Variants in TINAG observed in about 807,000 individuals in gnomAD.
The protein encoded by TINAG is tubulointerstitial nephritis antigen.
A neutral mutation model predicts 72.7 loss-of-function variants in TINAG; 83 were observed. That is an observed-to-expected ratio of 1.14 (90% confidence interval 0.96 to 1.37). The LOEUF (loss-of-function observed/expected upper bound fraction) is 1.37. Among genes scored for constraint, TINAG ranks in the 40% most tolerant of loss-of-function variants. The pLI is 0.00. For synonymous variants in TINAG, 234 were observed against 189.9 expected (o/e 1.23, Z -1.91); for missense variants, 685 against 576.6 (o/e 1.19, Z -1.93).
chr6:54,380,568 T>G lies in TINAG; in HGVS notation c.1293T>G (p.Phe431Leu). The G allele has an allele frequency of 3.7e-6, 6 of 1,610,454 alleles. No homozygotes were observed. Among genetic ancestry groups the G allele is most frequent in the Non-Finnish European group, 5.1e-6 (6 of 1,177,794 alleles). ...LRGAQGQKEK[F>L]WIAANSWGKS... ...GAGCACAAGGGCAGAAAGAAAAATT[T>G]TGGGTATGTAACTCTTTCCAGTTGA... The change falls in exon 10 of 11, where the codon TTT (phenylalanine) becomes TTG (leucine). Residue 431 changes from phenylalanine to leucine, a missense_variant. Phe to Leu is a conservative substitution (Grantham distance 22). Coordinates refer to ENST00000259782, the MANE Select transcript of TINAG (RefSeq NM_014464.4).
intron 4 of TINAG, among the ~76,000 whole-genome samples, chr6:54,333,887 T>G (rs1345605822): frequency 2.6e-5 from 4 of 151,726 alleles, no homozygotes; most frequent in Admixed American, 6.6e-5. Context: ...TAGTAAAGGT[T>G]GATCCTCAAA....
At position 54,321,175 on chromosome 6, in the gene TINAG, C is replaced by T. The variant is rs148036041; in HGVS notation, c.420-122C>T. 7.5e-4 allele frequency: 574 copies of T among 766,674 alleles called. 3 individuals are homozygous for T. In the African/African-American group the frequency reaches 8.5e-3, roughly 11 times the overall value. The allele number at this position is 766,674 out of a possible 1,614,324, so 47.5% of individuals were successfully genotyped here. A position where few individuals can be genotyped will look rare whatever the true frequency, so the allele number is the denominator to read the frequency against. ...TTTATTTTTGCCAAGAATCAAATAA[C>T]CATATGGCTAACATTAATCAAGAAA... is the stretch of plus-strand genomic sequence containing the variant. On this transcript the variant is annotated intron_variant, in intron 2 of 10. Coordinates refer to ENST00000259782, the MANE Select transcript of TINAG (RefSeq NM_014464.4).
Position 54,354,725 on chromosome 6 carries a change from T to A in TINAG, c.1250+89T>A. On this transcript the variant is annotated intron_variant, in intron 9 of 10. Transcript: ENST00000259782. ...CAGTGTTTTAAATGCTAGAATCCCCTTTGTAGGAGAGATTGTGATACAAAT... is the reference window on the plus strand; with the variant it reads ...CAGTGTTTTAAATGCTAGAATCCCCATTGTAGGAGAGATTGTGATACAAAT... 3 of 1,333,714 alleles carry A rather than the reference T, an allele frequency of 2.2e-6. No individual in the cohort carries two copies. The South Asian group carries it at 4.2e-5, about 18-fold the overall frequency. The allele number at this position is 1,333,714 out of a possible 1,614,324, so 82.6% of individuals were successfully genotyped here.
intron 9 of TINAG, among the ~76,000 whole-genome samples, chr6:54,378,723 G>T (rs1269964505): frequency 1.3e-5 from 2 of 152,068 alleles, no homozygotes; most frequent in African/African-American, 4.8e-5. Flanking sequence ...TCCTTTGTAT[G>T]ACTTTTCTAT....
At chr6:54,321,835 G>T (rs1784497801) in intron 3 of TINAG, among the ~76,000 whole-genome samples, 1 of 152,186 alleles carries the variant, frequency 6.6e-6, no homozygotes, top group African/African-American at 2.4e-5. Flanking sequence ...TCACTGAAAT[G>T]ATGGGTATCT....
chr6:54,347,370 T>C lies in TINAG; in HGVS notation c.752T>C (p.Val251Ala), dbSNP rs367662055. Reference protein sequence around the residue: ...AASWAFSTASVAADRIAIQSK... With the variant: ...AASWAFSTASAAADRIAIQSK... The stretch of plus-strand genomic sequence containing the variant: ...ATTGATATTCTATTTGAAACAGGTG[T>C]GGCTGCTGACCGAATAGCAATTCAG... The change falls in exon 6 of 11, where the codon GTG (valine) becomes GCG (alanine). Residue 251 changes from valine (V) to alanine (A), a missense_variant. Transcript: ENST00000259782. 2 of 1,612,274 alleles carry C rather than the reference T, an allele frequency of 1.2e-6. No individual in the cohort carries two copies. The highest frequency in any genetic ancestry group is 8.5e-7 in the Non-Finnish European group (1 of 1,179,140).
At chr6:54,382,891 G>A (rs1192447171) in intron 10 of TINAG, among the ~76,000 whole-genome samples, 2 of 152,118 alleles carry the variant, frequency 1.3e-5, no homozygotes, top group African/African-American at 4.8e-5. Context: ...ATTATGATGA[G>A]TTGAAGAGGA....
At chr6:54,385,496 CTATT>C (rs1310715814) in intron 10 of TINAG, among the ~76,000 whole-genome samples, 3 of 151,194 alleles carry the variant, frequency 2.0e-5, no homozygotes, top group African/African-American at 7.3e-5. Flanking sequence ...AAAAATGAGT[CTATT>C]TAAATTACTT....
chr6:54,343,207 A>G lies in TINAG; in HGVS notation c.625-19A>G. On this transcript the variant is annotated intron_variant, in intron 4 of 10. Coordinates refer to ENST00000259782, the MANE Select transcript of TINAG (RefSeq NM_014464.4). ...ATATTTGAGAAAATCTCATATATGT[A>G]CCTCTTCTTCCTCTTTAGGCTTCTT... 1.3e-6 allele frequency: 2 copies of G among 1,522,844 alleles called. No individual in the cohort carries two copies. The highest frequency in any genetic ancestry group is 2.4e-5 in the East Asian group (1 of 41,474). The allele number at this position is 1,522,844 out of a possible 1,614,324, so 94.3% of individuals were successfully genotyped here. A position where few individuals can be genotyped will look rare whatever the true frequency, so the allele number is the denominator to read the frequency against.
Position 54,390,004 on chromosome 6 carries a change from A to G in TINAG, c.*79A>G. The G allele has an allele frequency of 6.4e-7, 1 of 1,550,430 alleles. No individual in the cohort carries two copies. The highest frequency in any genetic ancestry group is 1.4e-5 in the African/African-American group (1 of 71,926). On this transcript the variant is annotated 3_prime_UTR_variant, in exon 11 of 11. Coordinates refer to ENST00000259782, the MANE Select transcript of TINAG (RefSeq NM_014464.4). Reference sequence around the variant, plus strand: ...GTTTAGCAATATGACATTCTTGGTGACAGTGGAATCTTTGTCTCTTCACCG... The same window carrying G: ...GTTTAGCAATATGACATTCTTGGTGGCAGTGGAATCTTTGTCTCTTCACCG...
intron 9 of TINAG, chr6:54,367,015 G>T (rs890760812): frequency 2.2e-4 from 33 of 151,624 alleles, no homozygotes; most frequent in African/African-American, 7.7e-4. Flanking sequence ...TGATCTTGGA[G>T]CCTATCCTGG....
intron 10 of TINAG, among the ~76,000 whole-genome samples, chr6:54,383,530 T>C (rs1274697233): frequency 6.6e-6 from 1 of 152,030 alleles, no homozygotes; most frequent in Admixed American, 6.6e-5. Context: ...ATTTTTGGCC[T>C]AGGAGCATTT....
chr6:54,336,411 G>T lies in TINAG; in HGVS notation c.625-6815G>T, dbSNP rs538777440. 3.6e-4 allele frequency among the ~76,000 whole-genome samples: 54 copies of T among 152,076 alleles called. No homozygotes were observed. In the South Asian group the frequency reaches 0.011, roughly 31 times the overall value. ...AGAAAGGTGTAGGCCTGGATTTATT[G>T]ACTCTGATAGAGTTTATATATTTCT... is the stretch of plus-strand genomic sequence containing the variant. On this transcript the variant is annotated intron_variant, in intron 4 of 10. Coordinates refer to ENST00000259782, the MANE Select transcript of TINAG (RefSeq NM_014464.4).
At chr6:54,389,658 T>G in intron 10 of TINAG, 133 bp from the exon 11 acceptor site, 1 of 1,097,306 alleles carries the variant, frequency 9.1e-7, no homozygotes, top group Non-Finnish European at 1.3e-6. Flanking sequence ...TATTTAAAAA[T>G]AGGTAAGTTC....
chr6:54,372,975 A>G lies in TINAG; in HGVS notation c.1251-7551A>G, dbSNP rs980256066. Among the ~76,000 whole-genome samples, 43 of 152,010 alleles carry G rather than the reference A, an allele frequency of 2.8e-4. 1 individual carries two copies. The highest frequency in any genetic ancestry group is 2.0e-4 in the Admixed American group (3 of 15,236). On this transcript the variant is annotated intron_variant, in intron 9 of 10. Coordinates refer to ENST00000259782, the MANE Select transcript of TINAG (RefSeq NM_014464.4). ...AAGGAAAGGGCTACAGAAAAAACAA[A>G]TTTTGCACATGATTAATGAGTACTA...
chr6:54,336,022 C>T (rs1409110331), intron 4 of TINAG, among the ~76,000 whole-genome samples: 1 of 151,960 alleles, frequency 6.6e-6, no homozygotes, highest in Non-Finnish European at 1.5e-5. Flanking sequence ...ATCCTGAATT[C>T]CTGGGGAAGC....
chr6:54,335,616 T>C (rs1339451291), intron 4 of TINAG, among the ~76,000 whole-genome samples: 1 of 152,170 alleles, frequency 6.6e-6, no homozygotes, highest in African/African-American at 2.4e-5. Context: ...AAGAACTGAG[T>C]TGAACTGGAA....
intron 9 of TINAG, among the ~76,000 whole-genome samples, chr6:54,358,407 G>A (rs377179984): frequency 7.6e-4 from 115 of 151,740 alleles, no homozygotes; most frequent in African/African-American, 2.6e-3. Flanking sequence ...ACTAAATACG[G>A]TACTGATCCG....
At chr6:54,341,001 A>T (rs1438598234) in intron 4 of TINAG, among the ~76,000 whole-genome samples, 1 of 152,076 alleles carries the variant, frequency 6.6e-6, no homozygotes, top group Non-Finnish European at 1.5e-5. Context: ...TCAAATGTGG[A>T]GGTCAATTTC....
Sources: gnomAD v4.1 joint callset for allele counts (sites outside exome capture counted in the v4.1 genomes callset) on GRCh38, gnomAD v4.1.1 for gene constraint, MANE v1.5 for transcripts, NCBI Gene and HGNC (gene_info 2026-07-23, HGNC 2026-07-21) for gene names.